The following MAEA variants were observed in gnomAD, a reference collection of about 807,000 sequenced individuals.
MAEA encodes macrophage erythroblast attacher, E3 ubiquitin ligase, also known as E3 ubiquitin-protein transferase MAEA.
In MAEA, 22 loss-of-function variants were observed where a neutral mutation model predicts 46.2. That is an observed-to-expected ratio of 0.48 (90% CI 0.34 to 0.68). The LOEUF is 0.68. MAEA is among the 30% of genes least tolerant of loss of function. The pLI, the probability that MAEA is intolerant of heterozygous loss-of-function variation, is 0.01. For synonymous variants in MAEA, 246 were observed against 222.6 expected, an observed-to-expected ratio of 1.11 and a Z score of -0.94; for missense variants, 393 against 558.1, an observed-to-expected ratio of 0.70 and a Z score of 2.98.
intron 2 of MAEA, among the ~76,000 whole-genome samples, chr4:1,314,194 G>T (rs1246341901): frequency 6.6e-6 from 1 of 151,370 alleles, no homozygotes; most frequent in Non-Finnish European, 1.5e-5. Flanking sequence ...GCCGGGCATG[G>T]TGTACGCCTG....
intron 5 of MAEA, 198 bp from the exon 6 acceptor site, chr4:1,332,559 T>C (rs1335906085): frequency 2.1e-6 from 1 of 475,990 alleles, no homozygotes; most frequent in African/African-American, 2.0e-5. Context: ...TAACAAGATG[T>C]TTTTTACATT....
rs1713223992 is a variant in MAEA, at chr4:1,339,314, G to A, written c.*145G>A. On this transcript the variant is annotated 3_prime_UTR_variant, in exon 9 of 9. Coordinates refer to ENST00000303400, the MANE Select transcript of MAEA (RefSeq NM_001017405.3). ...CGTGAGCAACGATAAATACTCTTAGGAAGAGAGAAAATAAGGTTTCATAAG... is the reference window on the plus strand; with the variant it reads ...CGTGAGCAACGATAAATACTCTTAGAAAGAGAGAAAATAAGGTTTCATAAG... The A allele has an allele frequency of 3.2e-6, 2 of 622,852 alleles. No homozygotes were observed. The highest frequency in any genetic ancestry group is 2.9e-6 in the Non-Finnish European group (1 of 348,086). 38.6% of individuals were successfully genotyped at this position (622,852 alleles called of 1,614,324 possible).
intron 3 of MAEA, among the ~76,000 whole-genome samples, chr4:1,317,717 G>A (rs1008252532): frequency 7.9e-5 from 12 of 152,224 alleles, no homozygotes; most frequent in Non-Finnish European, 1.3e-4. Flanking sequence ...GTTCACAAGC[G>A]TGAATGTGAT....
intron 3 of MAEA, among the ~76,000 whole-genome samples, chr4:1,320,070 T>G (rs1737841323): frequency 7.1e-6 from 1 of 141,246 alleles, no homozygotes; most frequent in African/African-American, 2.7e-5. Flanking sequence ...GGAAACGCTA[T>G]GAAGGGGCTT....
intron 3 of MAEA, among the ~76,000 whole-genome samples, chr4:1,318,926 C>A (rs1406467163): frequency 1.3e-5 from 2 of 151,906 alleles, no homozygotes; most frequent in Non-Finnish European, 2.9e-5. Context: ...GGAAGGCCAC[C>A]CAGGAACAGG....
intron 5 of MAEA, chr4:1,330,111 A>G (rs1339131819): frequency 1.0e-6 from 1 of 985,406 alleles, no homozygotes; most frequent in East Asian, 1.1e-4. Flanking sequence ...GTTTTTGCGA[A>G]ATGCAAAAGT....
At chr4:1,299,292 A>G (rs563904885) in intron 1 of MAEA, among the ~76,000 whole-genome samples, 1 of 152,300 alleles carries the variant, frequency 6.6e-6, no homozygotes, top group South Asian at 2.1e-4. Flanking sequence ...TGGTCAGGCC[A>G]GAACCTTCAG....
chr4:1,315,749 C>G (rs1335736125), intron 3 of MAEA, 149 bp downstream of exon 3: 4 of 563,508 alleles, frequency 7.1e-6, no homozygotes, highest in Middle Eastern at 4.7e-4. Flanking sequence ...CCCCTCCCCC[C>G]ACCCCCGTGT....
At chr4:1,329,032 G>C in intron 5 of MAEA, 1 of 985,828 alleles carries the variant, frequency 1.0e-6, no homozygotes, top group Non-Finnish European at 1.2e-6. Context: ...GCTGGCCTCT[G>C]TCCGGCGGCA....
rs755177036 is a variant in MAEA, at chr4:1,339,077, C to G, written c.1099C>G (p.Leu367Val). 2 of 1,613,462 alleles carry G rather than the reference C, an allele frequency of 1.2e-6. No individual in the cohort carries two copies. Among genetic ancestry groups the G allele is most frequent in the Admixed American group, 1.7e-5 (1 of 60,030 alleles). ...CATTCCCGGTTTTATTTTTCAGTCT[C>G]TGCTTTCTATCCGTCAAGATGATAA... is the stretch of plus-strand genomic sequence containing the variant. ...PNGYVYGYNSLLSIRQDDKVV... is the reference protein window; with the variant it reads ...PNGYVYGYNSVLSIRQDDKVV... The change falls in exon 9 of 9, where the codon CTG becomes GTG. Residue 367 changes from leucine (L) to valine (V), a missense_variant. Physicochemically the swap from Leu to Val is conservative, Grantham distance 32. Coordinates refer to ENST00000303400, the MANE Select transcript of MAEA (RefSeq NM_001017405.3).
chr4:1,293,100 T>C (rs1734277573), intron 1 of MAEA, among the ~76,000 whole-genome samples: 1 of 152,158 alleles, frequency 6.6e-6, no homozygotes, highest in Non-Finnish European at 1.5e-5. Context: ...TTCTCCATGT[T>C]GTCCAGCTGG....
intron 7 of MAEA, 141 bp downstream of exon 7, chr4:1,337,135 G>C: frequency 9.6e-7 from 1 of 1,042,804 alleles, no homozygotes; most frequent in Non-Finnish European, 1.4e-6. Context: ...CACTTGCGTG[G>C]TGTCTGGATG....
rs1247730590 is a variant in MAEA, at chr4:1,311,728, T to C, written c.70-251T>C. Among the ~76,000 whole-genome samples, 9 of 152,212 alleles carry C rather than the reference T, an allele frequency of 5.9e-5. No individual in the cohort carries two copies. The highest frequency in any genetic ancestry group is 5.9e-4 in the Admixed American group (9 of 15,288). On this transcript the variant is annotated intron_variant, in intron 1 of 8. Coordinates refer to ENST00000303400, the MANE Select transcript of MAEA (RefSeq NM_001017405.3). The surrounding 1 kb of genome is among the most constrained non-coding windows in gnomAD (Gnocchi z 4.4). ...CTGGATGAACTTTGGGATTATTTTG[T>C]CAACATACACGTACAATGTTTTTGG...
At chr4:1,335,186 TAACCTA>T (rs1712584410) in intron 6 of MAEA, 3 of 985,386 alleles carry the variant, frequency 3.0e-6, no homozygotes, top group African/African-American at 3.5e-5. Flanking sequence ...TGTGATGCTT[TAACCTA>T]ACATGGACCG....
Position 1,334,287 on chromosome 4 carries a change from C to T in MAEA, c.765+1422C>T, listed in dbSNP as rs73793371. 2.5e-3 allele frequency among the ~76,000 whole-genome samples: 379 copies of T among 151,574 alleles called. 4 individuals carry two copies. Among genetic ancestry groups the T allele is most frequent in the African/African-American group, 8.8e-3 (362 of 41,296 alleles). ...CCTGGCACCAGTCTCTGTCAGAGGC[C>T]GGGGTGTTTCCCGGCAGCCCCCACC... is the stretch of plus-strand genomic sequence containing the variant. On this transcript the variant is annotated intron_variant, in intron 6 of 8. Transcript: ENST00000303400.
At chr4:1,313,964 G>A (rs896974980) in intron 2 of MAEA, among the ~76,000 whole-genome samples, 3 of 150,676 alleles carry the variant, frequency 2.0e-5, no homozygotes, top group South Asian at 2.1e-4. Context: ...AGCCCAGGAG[G>A]TCGAGGTTGT....
intron 1 of MAEA, among the ~76,000 whole-genome samples, chr4:1,301,971 A>C (rs1037658429): frequency 6.6e-6 from 1 of 151,884 alleles, no homozygotes; most frequent in Non-Finnish European, 1.5e-5. Context: ...ACAGTTAAGG[A>C]GGGATTACAT....
intron 8 of MAEA, 139 bp from the exon 9 acceptor site, chr4:1,338,935 T>G (rs1236867526): frequency 9.4e-6 from 7 of 740,770 alleles, no homozygotes; most frequent in Non-Finnish European, 9.3e-6. Context: ...GGGATTTCTT[T>G]GGCAGGTGTG....
Position 1,319,271 on chromosome 4 carries a change from T to G in MAEA, c.457-3110T>G, listed in dbSNP as rs560360507. 2.6e-5 allele frequency among the ~76,000 whole-genome samples: 4 copies of G among 152,226 alleles called. No homozygotes were observed. In the South Asian group the frequency reaches 8.3e-4, roughly 32 times the overall value. ...TGGAGGCTGCAGTGGGAGGATCACT[T>G]GAGCCCAGGAGGTGGAGGCTGCAGT... is the stretch of plus-strand genomic sequence containing the variant. On this transcript the variant is annotated intron_variant, in intron 3 of 8. Coordinates refer to ENST00000303400, the MANE Select transcript of MAEA (RefSeq NM_001017405.3).
Sources: gnomAD v4.1 joint callset for allele counts (sites outside exome capture counted in the v4.1 genomes callset) on GRCh38, gnomAD v4.1.1 for gene constraint, Gnocchi (gnomAD v3.1) non-coding constraint, MANE v1.5 for transcripts, NCBI Gene and HGNC (gene_info 2026-07-23, HGNC 2026-07-21) for gene names.